The following CTBP2 variants were observed in gnomAD, a reference collection of about 807,000 sequenced individuals.
CTBP2 encodes C-terminal-binding protein 2.
In CTBP2, 30 loss-of-function variants were observed where a neutral mutation model predicts 80.3. The ratio of observed to expected loss-of-function variants is 0.37; its 90% confidence interval spans 0.28 to 0.51. CTBP2 has a LOEUF of 0.51. CTBP2 is among the 20% of genes least tolerant of loss of function. CTBP2 has a pLI of 0.93. For missense variants in CTBP2, 1,212 were observed against 1,375.3 expected, an observed-to-expected ratio of 0.88 and a Z score of 1.88; for synonymous variants, 594 against 587.4, an observed-to-expected ratio of 1.01 and a Z score of -0.16.
intron 3 of CTBP2, among the ~76,000 whole-genome samples, chr10:125,036,619 A>G (rs910240539): frequency 6.6e-6 from 1 of 152,036 alleles, no homozygotes; most frequent in African/African-American, 2.4e-5. Context: ...AGAACATTCT[A>G]CAAGTAGTTG....
At chr10:125,010,506 ACTC>A (rs1955755303) in intron 1 of CTBP2, among the ~76,000 whole-genome samples, 1 of 151,852 alleles carries the variant, frequency 6.6e-6, no homozygotes, top group African/African-American at 2.4e-5. Context: ...TCATGTGCAC[ACTC>A]CTCCTCCCAC....
intron 2 of CTBP2, among the ~76,000 whole-genome samples, chr10:125,089,094 A>G (rs987375132): frequency 6.6e-6 from 1 of 152,224 alleles, no homozygotes; most frequent in African/African-American, 2.4e-5. Flanking sequence ...TCTCACAAGT[A>G]TATTTGTCAC....
At chr10:125,041,711 G>A (rs776772471) in intron 2 of CTBP2, among the ~76,000 whole-genome samples, 2 of 152,090 alleles carry the variant, frequency 1.3e-5, no homozygotes, top group Admixed American at 6.5e-5. Context: ...TGAAGACCTC[G>A]GAGATGAAAA....
chr10:125,142,866 C>T (rs1565028452), intron 1 of CTBP2, among the ~76,000 whole-genome samples: 1 of 152,164 alleles, frequency 6.6e-6, no homozygotes, highest in Non-Finnish European at 1.5e-5. Context: ...AGCTCCGCTT[C>T]AGATGGTTTA....
intron 1 of CTBP2, among the ~76,000 whole-genome samples, chr10:125,143,869 T>C (rs1161600716): frequency 6.6e-6 from 1 of 152,094 alleles, no homozygotes; most frequent in East Asian, 1.9e-4. Flanking sequence ...CCAAAGACTA[T>C]CACTTTCCAT....
intron 1 of CTBP2, among the ~76,000 whole-genome samples, chr10:125,011,164 G>A (rs1955849752): frequency 6.6e-6 from 1 of 152,252 alleles, no homozygotes; most frequent in South Asian, 2.1e-4. Flanking sequence ...GGGCTCCCCA[G>A]AAGGCTGGAT....
At chr10:125,029,679 A>G (rs560393162), upstream of CTBP2, among the ~76,000 whole-genome samples, 1 of 152,300 alleles carries the variant, frequency 6.6e-6, no homozygotes, top group East Asian at 1.9e-4. Flanking sequence ...ACACCCCTCA[A>G]AGATGGGTGG....
chr10:125,005,353 C>T (rs1418949155), intron 1 of CTBP2, among the ~76,000 whole-genome samples: 2 of 152,184 alleles, frequency 1.3e-5, no homozygotes, highest in East Asian at 1.9e-4. Flanking sequence ...CAGCCCTGAG[C>T]GGCAGCTGCA....
intron 1 of CTBP2, among the ~76,000 whole-genome samples, chr10:125,132,982 C>T (rs1590989641): frequency 1.3e-5 from 2 of 152,282 alleles, no homozygotes; most frequent in South Asian, 4.1e-4. Flanking sequence ...GTGACAGATA[C>T]CACAAGGAGA....
At position 125,027,617 on chromosome 10, in the gene CTBP2, C is replaced by T. The variant is rs778863349; in HGVS notation, c.143G>A (p.Gly48Glu). 3.1e-6 allele frequency: 5 copies of T among 1,614,060 alleles called. No individual in the cohort carries two copies. Among genetic ancestry groups the T allele is most frequent in the African/African-American group, 1.3e-5 (1 of 75,024 alleles). ...TCGGTGGTTTGGCTCAAACCAAGTC[C>T]CCTCTGCTGTGCCATACGTCAGGGA... is the stretch of plus-strand genomic sequence containing the variant. The change falls in exon 1 of 9, where the codon GGG (glycine) becomes GAG (glutamate). Residue 48 changes from glycine (G) to glutamate (E), a missense_variant. Gly to Glu is a moderately conservative substitution (Grantham distance 98, BLOSUM62 -2). Around this residue, in one of 3 missense-constraint regions of CTBP2, gnomAD observed 848 missense variants for 782.3 expected, o/e 1.08. Coordinates refer to ENST00000309035, the MANE Select transcript of CTBP2 (RefSeq NM_022802.3).
chr10:124,992,425 C>T (rs1488862147), intron 8 of CTBP2, among the ~76,000 whole-genome samples: 1 of 152,110 alleles, frequency 6.6e-6, no homozygotes, highest in African/African-American at 2.4e-5. Context: ...TTTAAGATGG[C>T]TTTAGAATGA....
intron 2 of CTBP2, among the ~76,000 whole-genome samples, chr10:125,101,022 C>T (rs1164577379): frequency 2.6e-5 from 4 of 152,200 alleles, no homozygotes; most frequent in Non-Finnish European, 5.9e-5. Context: ...TTACATCATT[C>T]TATCAATTAA....
At chr10:125,020,666 C>G (rs191662182) in intron 1 of CTBP2, among the ~76,000 whole-genome samples, 106 of 152,310 alleles carry the variant, frequency 7.0e-4, no homozygotes, top group African/African-American at 2.5e-3. Context: ...CCACGCCCGG[C>G]AGAAATCATT....
chr10:125,120,117 A>G (rs1032938728), intron 1 of CTBP2, among the ~76,000 whole-genome samples: 1 of 152,240 alleles, frequency 6.6e-6, no homozygotes, highest in Admixed American at 6.5e-5. Flanking sequence ...GGAGAGACAC[A>G]GCGAGAATCC....
intron 2 of CTBP2, among the ~76,000 whole-genome samples, chr10:125,046,978 A>G (rs1961417807): frequency 6.6e-6 from 1 of 152,186 alleles, no homozygotes; most frequent in South Asian, 2.1e-4. Flanking sequence ...AGAATTTGTG[A>G]TTTTCCTAAT....
chr10:125,123,296 A>C (rs140238187), intron 1 of CTBP2, among the ~76,000 whole-genome samples: 40 of 152,308 alleles, frequency 2.6e-4, no homozygotes, highest in African/African-American at 9.1e-4. Context: ...TACACAGCCA[A>C]ATGAGTGCAT....
At chr10:125,007,471 A>G (rs1413574714) in intron 1 of CTBP2, among the ~76,000 whole-genome samples, 2 of 152,268 alleles carry the variant, frequency 1.3e-5, no homozygotes, top group African/African-American at 4.8e-5. Flanking sequence ...AACAGTAACC[A>G]GACACCCAGG....
chr10:125,092,176 CTTTTTTTTTTTT>C (rs71029238), intron 2 of CTBP2, among the ~76,000 whole-genome samples: 14 of 87,100 alleles, frequency 1.6e-4, no homozygotes, highest in Admixed American at 7.3e-4. Flanking sequence ...TCTGAAGATT[CTTTTTTTTTTTT>C]TTTTTTTTTT....
chr10:125,112,375 A>C (rs1260537698), intron 1 of CTBP2, among the ~76,000 whole-genome samples: 3 of 150,586 alleles, frequency 2.0e-5, no homozygotes, highest in Non-Finnish European at 4.4e-5. Context: ...GGCCTCCCAA[A>C]GTGCTGGGAT....
Sources: allele counts gnomAD v4.1 joint callset (sites outside exome capture counted in the v4.1 genomes callset), GRCh38; gene constraint gnomAD v4.1.1; regional missense constraint gnomAD v4.1.1; transcripts MANE v1.5; gene names NCBI Gene and HGNC (gene_info 2026-07-23, HGNC 2026-07-21).